Variants in KIF21B observed in about 807,000 individuals in gnomAD.
KIF21B encodes the protein kinesin family member 21B.
KIF21B carries 85 observed loss-of-function variants against 192.9 expected under a neutral mutation model. The observed-to-expected ratio is 0.44, with a 90% CI of 0.37 to 0.53. The LOEUF (loss-of-function observed/expected upper bound fraction) is 0.53, where lower values mean the gene tolerates loss of function less well. Among genes scored for constraint, KIF21B ranks in the 20% least tolerant of loss-of-function variants. The probability of loss-of-function intolerance (pLI) is 0.00; values close to 1 mark genes in which losing one functional copy is unlikely to be tolerated. For synonymous variants in KIF21B, 832 were observed against 884.6 expected (o/e 0.94, Z 1.05); for missense variants, 1,716 against 2,194.8 (o/e 0.78, Z 4.36).
chr1:200,991,602 C>T (rs1656700967), intron 17 of KIF21B, 55 bp downstream of exon 17: 2 of 1,511,040 alleles, frequency 1.3e-6, no homozygotes, highest in Non-Finnish European at 1.8e-6. Flanking sequence ...TGCACACATG[C>T]ACGCACACAT....
chr1:200,990,574 A>G lies in KIF21B; in HGVS notation c.2835+2T>C. ...GGAAGAGAAGGGGGAGGCAGGGCTC[A>G]CCTTGATGAGCCGCTCCATGTCAGC... On this transcript the variant is annotated splice_donor_variant, in intron 19 of 34. Coordinates refer to ENST00000461742, the MANE Select transcript of KIF21B (RefSeq NM_001252102.2). LOFTEE classifies it high-confidence loss of function. This position sits in a 1 kb window ranked among gnomAD's most constrained non-coding sequence, Gnocchi z 5.4. 1 of 1,613,496 alleles carries G rather than the reference A, an allele frequency of 6.2e-7. No homozygotes were observed. The highest frequency in any genetic ancestry group is 8.5e-7 in the Non-Finnish European group (1 of 1,179,726).
Position 200,975,765 on chromosome 1 carries a change from C to G in KIF21B, c.4444-96G>C. Reference sequence around the variant, plus strand: ...CCCAGAGGCCTGAAGACCCAGGAGTCTGGCTAGGGTGACAGCCACTGCCCT... The same window carrying G: ...CCCAGAGGCCTGAAGACCCAGGAGTGTGGCTAGGGTGACAGCCACTGCCCT... On this transcript the variant is annotated intron_variant, in intron 32 of 34. Coordinates refer to ENST00000461742, the MANE Select transcript of KIF21B (RefSeq NM_001252102.2). The surrounding 1 kb of genome is among the most constrained non-coding windows in gnomAD (Gnocchi z 4.3). 7.8e-7 allele frequency: 1 copy of G among 1,285,918 alleles called. No individual in the cohort carries two copies. The highest frequency in any genetic ancestry group is 1.0e-6 in the Non-Finnish European group (1 of 954,480). 79.7% of individuals were successfully genotyped at this position (1,285,918 alleles called of 1,614,324 possible).
chr1:200,995,482 A>G (rs1340411213), intron 15 of KIF21B, among the ~76,000 whole-genome samples: 4 of 152,220 alleles, frequency 2.6e-5, no homozygotes, highest in African/African-American at 4.8e-5. Context: ...CACTGGAAAC[A>G]CAAGACTTGA....
At chr1:201,013,460 A>G (rs918743607) in intron 1 of KIF21B, among the ~76,000 whole-genome samples, 2 of 152,144 alleles carry the variant, frequency 1.3e-5, no homozygotes, top group African/African-American at 4.8e-5. Context: ...GATGGGCACC[A>G]TCTAACAGTC....
chr1:200,973,682 A>T (rs1017907115), intron 34 of KIF21B, 104 bp from the exon 35 acceptor site: 7 of 1,506,018 alleles, frequency 4.6e-6, no homozygotes, highest in Non-Finnish European at 6.2e-6. Context: ...AAACTCCCCA[A>T]ATGTGGTTGG....
rs559800555 is a variant in KIF21B, at chr1:200,975,368, G to A, written c.4614+131C>T. The A allele has an allele frequency of 9.4e-5, 71 of 758,226 alleles. No homozygotes were observed. Among genetic ancestry groups the A allele is most frequent in the Non-Finnish European group, 1.4e-4 (66 of 461,590 alleles). 47.0% of individuals were successfully genotyped at this position (758,226 alleles called of 1,614,324 possible). On this transcript the variant is annotated intron_variant, in intron 33 of 34. Coordinates refer to ENST00000461742, the MANE Select transcript of KIF21B (RefSeq NM_001252102.2). The surrounding 1 kb of genome is among the most constrained non-coding windows in gnomAD (Gnocchi z 4.3). ...CAGAGGAGGAAGAGGGAGAACAGGAGGGCTTGGGGAGCTGTGAAAACCATC... is the reference window on the plus strand; with the variant it reads ...CAGAGGAGGAAGAGGGAGAACAGGAAGGCTTGGGGAGCTGTGAAAACCATC...
chr1:200,986,516 C>A (rs1407065301), intron 26 of KIF21B, among the ~76,000 whole-genome samples: 2 of 151,988 alleles, frequency 1.3e-5, no homozygotes, highest in African/African-American at 4.8e-5. Context: ...TGCCACTATG[C>A]CTGGCTAATT....
rs1656036850 is a variant in KIF21B, at chr1:200,982,920, G to A, written c.3842+136C>T. The stretch of plus-strand genomic sequence containing the variant: ...GGCAGGAACAGGTCTGGAGAGGGGG[G>A]CAGCAGGAAGGGGAGTGGAGGGGCC... On this transcript the variant is annotated intron_variant, in intron 28 of 34. Coordinates refer to ENST00000461742, the MANE Select transcript of KIF21B (RefSeq NM_001252102.2). The surrounding 1 kb of genome is among the most constrained non-coding windows in gnomAD (Gnocchi z 4.7). 4 of 768,872 alleles carry A rather than the reference G, an allele frequency of 5.2e-6. No homozygotes were observed. Among genetic ancestry groups the A allele is most frequent in the South Asian group, 4.5e-5 (3 of 66,660 alleles). The allele number at this position is 768,872 out of a possible 1,614,324, so 47.6% of individuals were successfully genotyped here. A position where few individuals can be genotyped will look rare whatever the true frequency, so the allele number is the denominator to read the frequency against.
At chr1:200,991,205 C>T (rs999032897) in intron 17 of KIF21B, 56 bp from the exon 18 acceptor site, 8 of 1,402,348 alleles carry the variant, frequency 5.7e-6, no homozygotes, top group Admixed American at 3.8e-5. Flanking sequence ...TGGAGCCACA[C>T]AGAAGGGCCC....
chr1:201,007,978 G>A (rs1658012065), intron 3 of KIF21B, among the ~76,000 whole-genome samples: 1 of 152,230 alleles, frequency 6.6e-6, no homozygotes, highest in Non-Finnish European at 1.5e-5. Flanking sequence ...TGCAGGGCAA[G>A]CCACCACCTG....
chr1:200,974,880 C>T lies in KIF21B; in HGVS notation c.4648G>A (p.Ala1550Thr), dbSNP rs371234338. ...GGGCGGCCCGGGATGAAGGCCAGGG[C>T]GCACACCCAGTCCTTGTGCGCATTG... ...IPNAHKDWVC[A>T]LAFIPGRPML... The change falls in exon 34 of 35, where the codon GCC (alanine) becomes ACC (threonine). Residue 1550 changes from alanine to threonine, a missense_variant. Ala to Thr is a moderately conservative substitution (Grantham distance 58). Around this residue, in one of 3 missense-constraint regions of KIF21B, gnomAD observed 580 missense variants for 775.5 expected, o/e 0.75. Coordinates refer to ENST00000461742, the MANE Select transcript of KIF21B (RefSeq NM_001252102.2). The T allele has an allele frequency of 1.2e-4, 191 of 1,613,914 alleles. No homozygotes were observed. Among genetic ancestry groups the T allele is most frequent in the Non-Finnish European group, 1.5e-4 (178 of 1,180,020 alleles).
rs751378190 is a variant in KIF21B at position 200,974,830 on chromosome 1, C to G, written c.4698G>C (p.Ala1566=). ...CCACGTTCCAGACCTTGATGACACC[C>G]GCACGGCAGGCGCTGAGCAGCATGG... ...GRPMLLSACR[A]GVIKVWNVDN... Residue 1566 remains alanine (A), a synonymous_variant, in exon 34 of 35, where the codon GCG becomes GCC. Transcript: ENST00000461742. 76 of 1,614,120 alleles carry G rather than the reference C, an allele frequency of 4.7e-5. No individual in the cohort carries two copies. The highest frequency in any genetic ancestry group is 6.7e-5 in the Admixed American group (4 of 60,012).
chr1:201,008,810 C>T lies in KIF21B; in HGVS notation c.406G>A (p.Val136Met), dbSNP rs371110975. The change falls in exon 3 of 35, where the codon GTG (valine) becomes ATG (methionine). Residue 136 changes from valine (V) to methionine (M), a missense_variant. Around this residue, in one of 3 missense-constraint regions of KIF21B, gnomAD observed 1,087 missense variants for 1,316.6 expected, o/e 0.83. Coordinates refer to ENST00000461742, the MANE Select transcript of KIF21B (RefSeq NM_001252102.2). ...ERKRRAQEQG[V>M]AGPEFKVSAQ... is the part of the protein sequence containing the mutation. ...CTGACTTTGAACTCAGGTCCAGCCA[C>T]GCCCTGCTCCTGTGCCCGGCGCTTG... is the stretch of plus-strand genomic sequence containing the variant. 72 of 1,605,310 alleles carry T rather than the reference C, an allele frequency of 4.5e-5. No homozygotes were observed. In the East Asian group the frequency reaches 6.9e-4, roughly 15 times the overall value.
chr1:201,006,941 GACACACACAGACAC>G (rs1160707686), intron 3 of KIF21B, among the ~76,000 whole-genome samples: 1 of 91,818 alleles, frequency 1.1e-5, no homozygotes, highest in Non-Finnish European at 2.2e-5. Flanking sequence ...CACAGAGACA[GACACACACAGACAC>G]ACACACACAG....
At position 200,984,865 on chromosome 1, in the gene KIF21B, A is replaced by G. The variant is rs775094351; in HGVS notation, c.3797T>C (p.Leu1266Pro). 1.9e-6 allele frequency: 3 copies of G among 1,584,258 alleles called. No homozygotes were observed. Among genetic ancestry groups the G allele is most frequent in the Non-Finnish European group, 1.7e-6 (2 of 1,167,896 alleles). The change falls in exon 27 of 35, where the codon CTG (leucine) becomes CCG (proline). Residue 1266 changes from leucine to proline, a missense_variant. Leu to Pro is a moderately conservative substitution (Grantham distance 98, BLOSUM62 -3). Coordinates refer to ENST00000461742, the MANE Select transcript of KIF21B (RefSeq NM_001252102.2). ...LTSNQSQGSA[L>P]DKSDDSDSSL... ...GCCCTCCAGCCCTGCTTACTTGTCC[A>G]GCGCTGACCCCTGGCTCTGATTACT...
At position 201,004,399 on chromosome 1, in the gene KIF21B, G is replaced by T; in HGVS notation, c.957C>A (p.His319Gln). ...ALGDQSKKVV[H>Q]VPYRDSKLTR... ...TGAGCTTGGAGTCCCTGTAGGGAAC[G>T]TGCACCACCTTCTTGCTCTGGTCCC... The change falls in exon 7 of 35, where the codon CAC (histidine) becomes CAA (glutamine). Residue 319 changes from histidine to glutamine, a missense_variant. By Grantham distance (24) the His-to-Gln change is conservative. This residue lies in a region of KIF21B where 1,087 missense variants were observed against 1,316.6 expected (regional missense o/e 0.83). Transcript: ENST00000461742. The T allele has an allele frequency of 6.3e-7, 1 of 1,582,732 alleles. No individual in the cohort carries two copies. Among genetic ancestry groups the T allele is most frequent in the East Asian group, 2.3e-5 (1 of 43,864 alleles).
At position 200,979,535 on chromosome 1, in the gene KIF21B, G is replaced by A. The variant is rs752381283; in HGVS notation, c.4160C>T (p.Thr1387Met). 60 of 1,539,614 alleles carry A rather than the reference G, an allele frequency of 3.9e-5. No homozygotes were observed. The highest frequency in any genetic ancestry group is 4.8e-5 in the Non-Finnish European group (55 of 1,141,434). ...RDSAKCIRTL[T>M]SSGQVISGDA... ...TGTGAGGCAGGCGGGGGTTACTCAC[G>A]TGAGAGTCCGAATGCACTTGGCTGA... The change falls in exon 30 of 35, where the codon ACG becomes ATG. Residue 1387 changes from threonine (T) to methionine (M), a missense_variant and splice_region_variant. By Grantham distance (81) the Thr-to-Met change is moderately conservative (BLOSUM62 -1). Around this residue, in one of 3 missense-constraint regions of KIF21B, gnomAD observed 580 missense variants for 775.5 expected, o/e 0.75. Transcript: ENST00000461742.
Position 200,988,345 on chromosome 1 carries a change from T to G in KIF21B, c.3359A>C (p.Gln1120Pro), listed in dbSNP as rs1231379900. ...ISEFSEGSFS[Q>P]SFTMKGSTSH... ...GGTGGAGCCTTTCATGGTGAATGAC[T>G]GGGAGAAGCTGAGGAAGAAGCAGAG... The change falls in exon 24 of 35, where the codon CAG becomes CCG. Residue 1120 changes from glutamine (Q) to proline (P), a missense_variant. Physicochemically the swap from Gln to Pro is moderately conservative, Grantham distance 76 (BLOSUM62 -1). This residue lies in a region of KIF21B where 580 missense variants were observed against 775.5 expected (regional missense o/e 0.75). Transcript: ENST00000461742. 1 of 1,614,044 alleles carries G rather than the reference T, an allele frequency of 6.2e-7. No individual in the cohort carries two copies. Among genetic ancestry groups the G allele is most frequent in the East Asian group, 2.2e-5 (1 of 44,878 alleles).
At position 200,989,929 on chromosome 1, in the gene KIF21B, G is replaced by A. The variant is rs200446773; in HGVS notation, c.3132+13C>T. 4.9e-5 allele frequency: 79 copies of A among 1,606,192 alleles called. No individual in the cohort carries two copies. Among genetic ancestry groups the A allele is most frequent in the African/African-American group, 8.0e-5 (6 of 74,898 alleles). ...CCCATAGAGCCCCCTGCCCATGTAC[G>A]CTCCCAGCTTACCTTGTCAATGGAT... On this transcript the variant is annotated intron_variant, in intron 21 of 34. Transcript: ENST00000461742.
Sources: gnomAD v4.1 joint callset for allele counts (sites outside exome capture counted in the v4.1 genomes callset) on GRCh38, gnomAD v4.1.1 for gene constraint, gnomAD v4.1.1 regional missense constraint, Gnocchi (gnomAD v3.1) non-coding constraint, MANE v1.5 for transcripts, NCBI Gene and HGNC (gene_info 2026-07-23, HGNC 2026-07-21) for gene names.